STMP1: variants seen among roughly 807,000 people sequenced by gnomAD.
The protein encoded by STMP1 is mitolamban.
Under a neutral mutation model 7.0 loss-of-function variants are expected in STMP1, and 7 were observed. That is an observed-to-expected ratio of 1.01 (90% CI 0.57 to 1.89). The LOEUF (loss-of-function observed/expected upper bound fraction) is 1.89. STMP1 is among the 40% of genes most tolerant of loss of function. STMP1 has a pLI of 0.00. For synonymous variants in STMP1, 19 were observed against 18.4 expected (o/e 1.03, Z -0.08); for missense variants, 45 against 53.0 (o/e 0.85, Z 0.47).
chr7:135,672,900 T>G, intron 2 of STMP1, 94 bp downstream of exon 2: 1 of 1,042,120 alleles, frequency 9.6e-7, no homozygotes, highest in Non-Finnish European at 1.5e-6. Flanking sequence ...CCAGCATAAA[T>G]GTAGTCCATA....
intron 1 of STMP1, among the ~76,000 whole-genome samples, chr7:135,668,399 C>T (rs949197745): frequency 2.6e-5 from 4 of 152,262 alleles, no homozygotes; most frequent in African/African-American, 9.6e-5. Flanking sequence ...GTCAGTGTCT[C>T]CCTACCATGA....
At chr7:135,664,839 G>A (rs1434583852) in intron 1 of STMP1, among the ~76,000 whole-genome samples, 1 of 152,032 alleles carries the variant, frequency 6.6e-6, no homozygotes, top group Non-Finnish European at 1.5e-5. Flanking sequence ...CTCTTTGTGT[G>A]CAGTCATTTC....
rs945161911 is a variant in STMP1 at position 135,675,963 on chromosome 7, T to C, written c.*1798T>C. The C allele has an allele frequency of 1.5e-4, 22 of 144,292 alleles. No homozygotes were observed. The highest frequency in any genetic ancestry group is 3.3e-4 in the Non-Finnish European group (22 of 66,440). 8.9% of individuals were successfully genotyped at this position (144,292 alleles called of 1,614,324 possible). ...TTTTTGAGACAGAGTCTCACTCTGCTGCCCAGGCTGGAGTGCAGTGGCACA... is the reference window on the plus strand; with the variant it reads ...TTTTTGAGACAGAGTCTCACTCTGCCGCCCAGGCTGGAGTGCAGTGGCACA... On this transcript the variant is annotated 3_prime_UTR_variant, in exon 3 of 3. Transcript: ENST00000507606.
At chr7:135,668,115 A>G (rs942189028) in intron 1 of STMP1, among the ~76,000 whole-genome samples, 1 of 152,108 alleles carries the variant, frequency 6.6e-6, no homozygotes, top group South Asian at 2.1e-4. Context: ...AAATCACTTG[A>G]CCATAAGCCT....
intron 1 of STMP1, among the ~76,000 whole-genome samples, chr7:135,670,732 T>C (rs541810515): frequency 6.7e-6 from 1 of 150,070 alleles, no homozygotes; most frequent in South Asian, 2.1e-4. Context: ...TTATGTGCCC[T>C]GATACCTGGC....
At chr7:135,665,444 C>G (rs1795282007) in intron 1 of STMP1, among the ~76,000 whole-genome samples, 1 of 151,934 alleles carries the variant, frequency 6.6e-6, no homozygotes, top group African/African-American at 2.4e-5. Context: ...GCAGTTTTTC[C>G]CCTTTATTAT....
chr7:135,672,653 C>T, intron 1 of STMP1, 100 bp from the exon 2 acceptor site: 1 of 897,622 alleles, frequency 1.1e-6, no homozygotes, highest in Non-Finnish European at 1.8e-6. Context: ...TCTAACTGTC[C>T]TAAGCTTCTT....
At chr7:135,666,475 A>C (rs1003528855) in intron 1 of STMP1, among the ~76,000 whole-genome samples, 1 of 151,996 alleles carries the variant, frequency 6.6e-6, no homozygotes. Flanking sequence ...TACCTTCCCA[A>C]GTAGCTGGGA....
chr7:135,662,738 C>A, intron 1 of STMP1, 144 bp downstream of exon 1: 1 of 902,148 alleles, frequency 1.1e-6, no homozygotes, highest in South Asian at 1.8e-5. Flanking sequence ...GTCGTCGCCT[C>A]GCAGGGCGGC....
chr7:135,671,926 T>G (rs1795360582), intron 1 of STMP1, among the ~76,000 whole-genome samples: 1 of 152,226 alleles, frequency 6.6e-6, no homozygotes, highest in African/African-American at 2.4e-5. Context: ...ATGAAGAGAT[T>G]GTAAACTGTG....
chr7:135,669,447 T>A (rs1486221140), intron 1 of STMP1, among the ~76,000 whole-genome samples: 1 of 152,242 alleles, frequency 6.6e-6, no homozygotes, highest in African/African-American at 2.4e-5. Context: ...ATAACTATTT[T>A]ACCTAGCATT....
chr7:135,675,910 A>T lies in STMP1; in HGVS notation c.*1745A>T, dbSNP rs1444911303. The T allele has an allele frequency of 6.8e-6, 1 of 147,404 alleles. No homozygotes were observed. The highest frequency in any genetic ancestry group is 1.5e-5 in the Non-Finnish European group (1 of 67,304). The allele number at this position is 147,404 out of a possible 1,614,324, so 9.1% of individuals were successfully genotyped here. On this transcript the variant is annotated 3_prime_UTR_variant, in exon 3 of 3. Coordinates refer to ENST00000507606, the MANE Select transcript of STMP1 (RefSeq NM_001130929.2). ...TTTGACTTTTCCTAGCAGCGTGATCATGGGCAAGTGGCTTTTTTTTTTTTT... is the reference window on the plus strand; with the variant it reads ...TTTGACTTTTCCTAGCAGCGTGATCTTGGGCAAGTGGCTTTTTTTTTTTTT...
At chr7:135,668,934 A>G (rs1229526381) in intron 1 of STMP1, among the ~76,000 whole-genome samples, 1 of 152,168 alleles carries the variant, frequency 6.6e-6, no homozygotes, top group African/African-American at 2.4e-5. Context: ...CATACCCGAG[A>G]CTGGGTAATT....
At chr7:135,666,417 C>T (rs888374908) in intron 1 of STMP1, among the ~76,000 whole-genome samples, 4 of 151,996 alleles carry the variant, frequency 2.6e-5, no homozygotes, top group African/African-American at 7.3e-5. Context: ...GGTGCAATCT[C>T]GGCTCACTGC....
rs903557611 is a variant in STMP1, at chr7:135,662,516, G to A, written c.-64G>A. 3.9e-5 allele frequency: 59 copies of A among 1,521,340 alleles called. 1 individual carries two copies. The Admixed American group carries it at 1.2e-3, about 31-fold the overall frequency. The allele number at this position is 1,521,340 out of a possible 1,614,324, so 94.2% of individuals were successfully genotyped here. A position where few individuals can be genotyped will look rare whatever the true frequency, so the allele number is the denominator to read the frequency against. On this transcript the variant is annotated 5_prime_UTR_variant, in exon 1 of 3. Transcript: ENST00000507606. ...GCCCCCCCCGCGCATGGGGAGGTAG[G>A]CTCGGACCGGCCCGCGGAGCTGCTG...
intron 1 of STMP1, 122 bp downstream of exon 1, chr7:135,662,716 C>G (rs3800761): frequency 8.5e-7 from 1 of 1,180,600 alleles, no homozygotes; most frequent in Non-Finnish European, 1.2e-6. Context: ...GTCCCTTCGT[C>G]CCCCGCGCCT....
chr7:135,675,242 T>C lies in STMP1; in HGVS notation c.*1077T>C, dbSNP rs1795399204. The C allele has an allele frequency of 6.6e-6, 1 of 152,246 alleles. No individual in the cohort carries two copies. The highest frequency in any genetic ancestry group is 1.5e-5 in the Non-Finnish European group (1 of 68,048). The allele number at this position is 152,246 out of a possible 1,614,324, so 9.4% of individuals were successfully genotyped here. A position where few individuals can be genotyped will look rare whatever the true frequency, so the allele number is the denominator to read the frequency against. ...TCTCCCACCCCTGTTCTCTGGCTCC[T>C]GGCTCCTGTTTGACAAGTTACTGTT... On this transcript the variant is annotated 3_prime_UTR_variant, in exon 3 of 3. Transcript: ENST00000507606.
intron 1 of STMP1, among the ~76,000 whole-genome samples, chr7:135,669,851 A>G (rs56001944): frequency 0.033 from 5,047 of 152,382 alleles, 107 homozygotes; most frequent in Middle Eastern, 0.099. Flanking sequence ...CAGGTCAGAT[A>G]TGCTTTTGCT....
At chr7:135,669,377 A>G (rs1001522580) in intron 1 of STMP1, among the ~76,000 whole-genome samples, 42 of 152,150 alleles carry the variant, frequency 2.8e-4, no homozygotes, top group Non-Finnish European at 2.9e-5. Flanking sequence ...CCTAGTTCTG[A>G]TGTTTGGAGC....
Sources: allele counts gnomAD v4.1 joint callset (sites outside exome capture counted in the v4.1 genomes callset), GRCh38; gene constraint gnomAD v4.1.1; transcripts MANE v1.5; gene names NCBI Gene and HGNC (gene_info 2026-07-23, HGNC 2026-07-21).